The following ECHDC3 variants were observed in gnomAD, a reference collection of about 807,000 sequenced individuals.
ECHDC3 encodes the protein enoyl-CoA hydratase domain containing 3, also known as enoyl-CoA hydratase domain-containing protein 3, mitochondrial.
Under a neutral mutation model 17.9 loss-of-function variants are expected in ECHDC3, and 20 were observed. The observed-to-expected ratio is 1.12, with a 90% CI of 0.79 to 1.63. The LOEUF (loss-of-function observed/expected upper bound fraction) is 1.63, where lower values mean the gene tolerates loss of function less well. ECHDC3 is among the 40% of genes most tolerant of loss of function. The pLI, the probability that ECHDC3 is intolerant of heterozygous loss-of-function variation, is 0.00. For synonymous variants in ECHDC3, 177 were observed against 149.7 expected (o/e 1.18, Z -1.33); for missense variants, 407 against 357.7 (o/e 1.14, Z -1.11).
rs530327352 is a variant in ECHDC3 at position 11,747,610 on chromosome 10, C to T, written c.292+140C>T. 6.1e-5 allele frequency: 64 copies of T among 1,051,300 alleles called. No homozygotes were observed. In the African/African-American group the frequency reaches 9.3e-4, roughly 15 times the overall value. 65.1% of individuals were successfully genotyped at this position (1,051,300 alleles called of 1,614,324 possible). Reference sequence around the variant, plus strand: ...ACAAGAACATTAATTATGGAAAACACCTGTGTAGTTGGTGGTTTGGTCCTA... The same window carrying T: ...ACAAGAACATTAATTATGGAAAACATCTGTGTAGTTGGTGGTTTGGTCCTA... On this transcript the variant is annotated intron_variant, in intron 2 of 4. Coordinates refer to ENST00000379215, the MANE Select transcript of ECHDC3 (RefSeq NM_024693.5).
chr10:11,749,670 C>T, intron 3 of ECHDC3, 78 bp downstream of exon 3: 1 of 1,354,088 alleles, frequency 7.4e-7, no homozygotes. Flanking sequence ...TTCGACCTTA[C>T]AGATAAGATT....
At position 11,749,582 on chromosome 10, in the gene ECHDC3, C is replaced by T. The variant is rs769596594; in HGVS notation, c.380C>T (p.Thr127Ile). 1.9e-6 allele frequency: 3 copies of T among 1,613,922 alleles called. No homozygotes were observed. The highest frequency in any genetic ancestry group is 1.7e-6 in the Non-Finnish European group (2 of 1,180,022). ...GRDYHAEVFQ[T>I]CSKVMMHIRN... ...GATTACCATGCCGAAGTATTTCAGA[C>T]CTGTTCCAAGGTAAGCCAAGACGAC... The change falls in exon 3 of 5, where the codon ACC becomes ATC. Residue 127 changes from threonine (T) to isoleucine (I), a missense_variant. Physicochemically the swap from Thr to Ile is moderately conservative, Grantham distance 89 (BLOSUM62 -1). Transcript: ENST00000379215.
rs761798189 is a variant in ECHDC3 at position 11,747,471 on chromosome 10, G to C, written c.292+1G>C. 1.2e-6 allele frequency: 2 copies of C among 1,613,252 alleles called. No individual in the cohort carries two copies. The highest frequency in any genetic ancestry group is 1.7e-6 in the Non-Finnish European group (2 of 1,179,866). ...GATCTGAAAGTCATTATCATCTCGG[G>C]TATGTATCTGATATCTGTCCTTAGT... On this transcript the variant is annotated splice_donor_variant, in intron 2 of 4. Transcript: ENST00000379215. LOFTEE classifies it high-confidence loss of function.
chr10:11,758,968 C>T (rs1832915479), intron 4 of ECHDC3, among the ~76,000 whole-genome samples: 1 of 152,226 alleles, frequency 6.6e-6, no homozygotes, highest in Non-Finnish European at 1.5e-5. Flanking sequence ...TGAATCCTCA[C>T]TCCCAAGGTG....
chr10:11,742,859 GGGAA>G, intron 1 of ECHDC3, 113 bp downstream of exon 1: 2 of 1,151,204 alleles, frequency 1.7e-6, no homozygotes, highest in Non-Finnish European at 1.1e-6. Flanking sequence ...CCCCTGGGGA[GGGAA>G]CTCCCCGTGT....
intron 4 of ECHDC3, among the ~76,000 whole-genome samples, chr10:11,757,694 T>C (rs1832899416): frequency 6.6e-6 from 1 of 152,144 alleles, no homozygotes; most frequent in South Asian, 2.1e-4. Context: ...GCTGGGCCAC[T>C]CAGAGCCATG....
chr10:11,758,032 C>A (rs1207038180), intron 4 of ECHDC3, among the ~76,000 whole-genome samples: 6 of 152,112 alleles, frequency 3.9e-5, no homozygotes, highest in Non-Finnish European at 7.4e-5. Flanking sequence ...AGGTACTTTG[C>A]AAACTGGCCT....
intron 3 of ECHDC3, among the ~76,000 whole-genome samples, chr10:11,751,359 A>C (rs1832820658): frequency 6.6e-6 from 1 of 152,224 alleles, no homozygotes; most frequent in Non-Finnish European, 1.5e-5. Context: ...GTGCATAAAC[A>C]GGGCCTACCC....
rs1440045460 is a variant in ECHDC3, at chr10:11,763,649, C to G, written c.*105C>G. On this transcript the variant is annotated 3_prime_UTR_variant, in exon 5 of 5. Transcript: ENST00000379215. The surrounding 1 kb of genome is among the most constrained non-coding windows in gnomAD (Gnocchi z 4.9). ...GCTTCAACAGGTGACAGGCTGCTTTCGTGACTTGATATTGGTGTCATAGCA... is the reference window on the plus strand; with the variant it reads ...GCTTCAACAGGTGACAGGCTGCTTTGGTGACTTGATATTGGTGTCATAGCA... 5 of 1,432,980 alleles carry G rather than the reference C, an allele frequency of 3.5e-6. No individual in the cohort carries two copies. The African/African-American group carries it at 7.2e-5, about 21-fold the overall frequency. 88.8% of individuals were successfully genotyped at this position (1,432,980 alleles called of 1,614,324 possible). A position where few individuals can be genotyped will look rare whatever the true frequency, so the allele number is the denominator to read the frequency against.
intron 4 of ECHDC3, among the ~76,000 whole-genome samples, chr10:11,758,874 T>G (rs1212017185): frequency 6.6e-6 from 1 of 152,216 alleles, no homozygotes; most frequent in East Asian, 1.9e-4. Flanking sequence ...CTTCTGCAGC[T>G]CCTCACCCTG....
At position 11,754,815 on chromosome 10, in the gene ECHDC3, C is replaced by A. The variant is rs184341434; in HGVS notation, c.391-593C>A. 2.5e-3 allele frequency among the ~76,000 whole-genome samples: 383 copies of A among 152,338 alleles called. 1 individual carries two copies. The highest frequency in any genetic ancestry group is 3.4e-3 in the Middle Eastern group (1 of 294). On this transcript the variant is annotated intron_variant, in intron 3 of 4. Coordinates refer to ENST00000379215, the MANE Select transcript of ECHDC3 (RefSeq NM_024693.5). ...TCAAGAGCTGAGCTTGGGGCCACCCCCTGCGGCAGCCCCCACCAAGCTTAG... is the reference window on the plus strand; with the variant it reads ...TCAAGAGCTGAGCTTGGGGCCACCCACTGCGGCAGCCCCCACCAAGCTTAG...
At chr10:11,756,672 G>GC (rs1341259553) in intron 4 of ECHDC3, among the ~76,000 whole-genome samples, 2 of 152,200 alleles carry the variant, frequency 1.3e-5, no homozygotes, top group East Asian at 3.8e-4. Flanking sequence ...GTAGGTGCCG[G>GC]CTGGCTAAAG....
chr10:11,742,966 C>G, intron 1 of ECHDC3: 1 of 413,752 alleles, frequency 2.4e-6, no homozygotes. Context: ...GGGCAGCCTG[C>G]GGGGTCACTG....
intron 4 of ECHDC3, among the ~76,000 whole-genome samples, chr10:11,757,942 C>T (rs1832901524): frequency 6.6e-6 from 1 of 152,188 alleles, no homozygotes; most frequent in Non-Finnish European, 1.5e-5. Flanking sequence ...GTGAACCCAT[C>T]CACGGACATC....
Position 11,742,543 on chromosome 10 carries a change from C to T in ECHDC3, c.-34C>T, listed in dbSNP as rs1238846826. The T allele has an allele frequency of 2.4e-6, 3 of 1,256,124 alleles. No homozygotes were observed. The highest frequency in any genetic ancestry group is 3.2e-5 in the East Asian group (1 of 31,142). 77.8% of individuals were successfully genotyped at this position (1,256,124 alleles called of 1,614,324 possible). ...CCAGCACCTGCGGCCGGCCAGGCAGCGCGATCCTGCGGCGTCTGGCCATCC... is the reference window on the plus strand; with the variant it reads ...CCAGCACCTGCGGCCGGCCAGGCAGTGCGATCCTGCGGCGTCTGGCCATCC... On this transcript the variant is annotated 5_prime_UTR_variant, in exon 1 of 5. Transcript: ENST00000379215.
At position 11,763,570 on chromosome 10, in the gene ECHDC3, G is replaced by A. The variant is rs751526302; in HGVS notation, c.*26G>A. ...GTGGAGGCAGAGGAGTGAGGCCCAC[G>A]GGCAGCGCCCAGGAGCCCACCTTCC... On this transcript the variant is annotated 3_prime_UTR_variant, in exon 5 of 5. Coordinates refer to ENST00000379215, the MANE Select transcript of ECHDC3 (RefSeq NM_024693.5). This position sits in a 1 kb window ranked among gnomAD's most constrained non-coding sequence, Gnocchi z 4.9. The A allele has an allele frequency of 1.9e-5, 28 of 1,473,608 alleles. No individual in the cohort carries two copies. Among genetic ancestry groups the A allele is most frequent in the Middle Eastern group, 1.8e-4 (1 of 5,708 alleles). The allele number at this position is 1,473,608 out of a possible 1,614,324, so 91.3% of individuals were successfully genotyped here. A position where few individuals can be genotyped will look rare whatever the true frequency, so the allele number is the denominator to read the frequency against.
intron 3 of ECHDC3, among the ~76,000 whole-genome samples, chr10:11,754,761 C>T (rs1832866356): frequency 6.6e-6 from 1 of 152,200 alleles, no homozygotes; most frequent in African/African-American, 2.4e-5. Context: ...GCACATTTGC[C>T]AGGAAGGCAG....
Position 11,763,888 on chromosome 10 carries a change from C to T in ECHDC3, c.*344C>T, listed in dbSNP as rs182158573. ...ATGGAGGCAGAAAGAAGGACGCCAG[C>T]CTGACCCTTATCTGAAACGTCCTAA... On this transcript the variant is annotated 3_prime_UTR_variant, in exon 5 of 5. Coordinates refer to ENST00000379215, the MANE Select transcript of ECHDC3 (RefSeq NM_024693.5). The surrounding 1 kb of genome is among the most constrained non-coding windows in gnomAD (Gnocchi z 4.9). 14 of 1,059,188 alleles carry T rather than the reference C, an allele frequency of 1.3e-5. No individual in the cohort carries two copies. Among genetic ancestry groups the T allele is most frequent in the East Asian group, 8.2e-5 (1 of 12,224 alleles). 65.6% of individuals were successfully genotyped at this position (1,059,188 alleles called of 1,614,324 possible).
intron 1 of ECHDC3, among the ~76,000 whole-genome samples, chr10:11,746,424 T>C (rs112889959): frequency 2.0e-5 from 3 of 151,582 alleles, no homozygotes; most frequent in African/African-American, 7.3e-5. Flanking sequence ...ACAGGGTGAC[T>C]ATAGTCAATA....
Sources: gnomAD v4.1 joint callset for allele counts (sites outside exome capture counted in the v4.1 genomes callset) on GRCh38, gnomAD v4.1.1 for gene constraint, Gnocchi (gnomAD v3.1) non-coding constraint, MANE v1.5 for transcripts, NCBI Gene and HGNC (gene_info 2026-07-23, HGNC 2026-07-21) for gene names.